Variants in RNLS observed in about 807,000 individuals in gnomAD.
The protein encoded by RNLS is renalase, FAD dependent amine oxidase, also known as renalase.
Under a neutral mutation model 39.8 loss-of-function variants are expected in RNLS, and 39 were observed. The observed-to-expected ratio is 0.98, with a 90% CI of 0.76 to 1.28. The LOEUF is 1.28. Ranked by LOEUF, RNLS falls within the 50% of genes most tolerant of loss-of-function variation. The probability of loss-of-function intolerance (pLI) is 0.00; values close to 1 mark genes in which losing one functional copy is unlikely to be tolerated. For synonymous variants in RNLS, 147 were observed against 150.7 expected (o/e 0.98, Z 0.18); for missense variants, 410 against 413.3 (o/e 0.99, Z 0.07).
the RNLS span, among the ~76,000 whole-genome samples, chr10:88,207,224 TAAGAGAA>T: frequency 6.6e-6 from 1 of 152,038 alleles, no homozygotes; most frequent in Non-Finnish European, 1.5e-5. Flanking sequence ...GAAAGCCACT[TAAGAGAA>T]TGAGAAGACA....
intron 4 of RNLS, among the ~76,000 whole-genome samples, chr10:88,536,238 T>C (rs560521604): frequency 3.9e-5 from 6 of 152,346 alleles, no homozygotes; most frequent in African/African-American, 1.4e-4. Flanking sequence ...GTCATCTTTA[T>C]GCTCCTTGTT....
intron 4 of RNLS, among the ~76,000 whole-genome samples, chr10:88,441,201 C>A (rs1841692283): frequency 6.6e-6 from 1 of 152,144 alleles, no homozygotes; most frequent in Non-Finnish European, 1.5e-5. Context: ...GAACCCATGG[C>A]AATTTATAAA....
intron 4 of RNLS, among the ~76,000 whole-genome samples, chr10:88,470,081 G>T (rs909955790): frequency 6.6e-6 from 1 of 151,704 alleles, no homozygotes; most frequent in Admixed American, 6.6e-5. Flanking sequence ...GTTTCTTATT[G>T]CCCAAAGTTT....
chr10:88,569,772 A>G (rs997777585), intron 4 of RNLS, among the ~76,000 whole-genome samples: 1 of 152,218 alleles, frequency 6.6e-6, no homozygotes, highest in Non-Finnish European at 1.5e-5. Context: ...CAGATGAACA[A>G]GATTGACACA....
the RNLS span, among the ~76,000 whole-genome samples, chr10:88,217,378 TG>T: frequency 6.6e-6 from 1 of 152,182 alleles, no homozygotes; most frequent in Non-Finnish European, 1.5e-5. Context: ...ATAACAGCTT[TG>T]TGGTTTTTGT....
chr10:88,445,374 G>T (rs1388300172), intron 4 of RNLS, among the ~76,000 whole-genome samples: 2 of 152,182 alleles, frequency 1.3e-5, no homozygotes, highest in Non-Finnish European at 2.9e-5. Flanking sequence ...ATGCCAAATT[G>T]TAAAGACCAT....
intron 4 of RNLS, among the ~76,000 whole-genome samples, chr10:88,420,056 A>AAATAAATG (rs1564786008): frequency 2.1e-4 from 9 of 43,106 alleles, no homozygotes; most frequent in Non-Finnish European, 3.5e-4. Context: ...ATAAATAAAT[A>AAATAAATG]AATGAATGAA....
chr10:88,234,936 G>A, the RNLS span, among the ~76,000 whole-genome samples: 1 of 152,044 alleles, frequency 6.6e-6, no homozygotes, highest in Non-Finnish European at 1.5e-5. Context: ...GATATATTTG[G>A]CAATTGGTGT....
the RNLS span, among the ~76,000 whole-genome samples, chr10:88,258,507 C>T: frequency 3.2e-4 from 48 of 152,270 alleles, no homozygotes; most frequent in Non-Finnish European, 5.7e-4. Flanking sequence ...TTACCTTCCC[C>T]CTAGGACTGT....
intron 4 of RNLS, among the ~76,000 whole-genome samples, chr10:88,383,987 C>T (rs1212687004): frequency 1.3e-5 from 2 of 152,064 alleles, no homozygotes; most frequent in East Asian, 3.8e-4. Flanking sequence ...TTTTTCTCAT[C>T]AGTAGACCTA....
At chr10:88,431,271 T>A (rs1421742993) in intron 4 of RNLS, among the ~76,000 whole-genome samples, 2 of 151,720 alleles carry the variant, frequency 1.3e-5, no homozygotes, top group Non-Finnish European at 3.0e-5. Context: ...CTGTTCACAA[T>A]ATTTCTTTAT....
intron 4 of RNLS, among the ~76,000 whole-genome samples, chr10:88,489,626 C>T (rs922406127): frequency 6.6e-6 from 1 of 152,096 alleles, no homozygotes; most frequent in African/African-American, 2.4e-5. Flanking sequence ...AATTTGAGTC[C>T]CCCATTTTCT....
At chr10:88,529,412 A>G (rs547428602) in intron 4 of RNLS, among the ~76,000 whole-genome samples, 8 of 152,274 alleles carry the variant, frequency 5.3e-5, no homozygotes, top group South Asian at 4.1e-4. Context: ...CCAACATGCT[A>G]TATCAGTAAC....
intron 4 of RNLS, among the ~76,000 whole-genome samples, chr10:88,480,606 G>C (rs553627773): frequency 1.3e-5 from 2 of 152,132 alleles, no homozygotes; most frequent in African/African-American, 4.8e-5. Context: ...TTTTTTAGTA[G>C]AGATGGAGTT....
At chr10:88,262,618 C>A in the RNLS span, among the ~76,000 whole-genome samples, 32 of 152,106 alleles carry the variant, frequency 2.1e-4, no homozygotes, top group Non-Finnish European at 4.7e-4. Flanking sequence ...AAGTATAATA[C>A]CTATGATAAG....
intron 4 of RNLS, among the ~76,000 whole-genome samples, chr10:88,553,800 T>C (rs1357535794): frequency 1.3e-5 from 2 of 152,158 alleles, no homozygotes; most frequent in Non-Finnish European, 2.9e-5. Flanking sequence ...AAGAAACATA[T>C]ACCCACCTCG....
chr10:88,420,234 T>C (rs1854323029), intron 4 of RNLS, among the ~76,000 whole-genome samples: 1 of 152,074 alleles, frequency 6.6e-6, no homozygotes, highest in African/African-American at 2.4e-5. Flanking sequence ...CATAATATCA[T>C]GTAAAGACTA....
At chr10:88,259,272 G>C in the RNLS span, 1 of 152,162 alleles carries the variant, frequency 6.6e-6, no homozygotes, top group African/African-American at 2.4e-5. Context: ...AGTGAGGAAT[G>C]CAATCCCAAT....
chr10:88,175,408 A>G, the RNLS span, among the ~76,000 whole-genome samples: 3 of 151,820 alleles, frequency 2.0e-5, no homozygotes, highest in East Asian at 3.9e-4. Context: ...CTTAGTACTG[A>G]TTTTGCTATA....
Sources: gnomAD v4.1 joint callset for allele counts (sites outside exome capture counted in the v4.1 genomes callset) on GRCh38, gnomAD v4.1.1 for gene constraint, MANE v1.5 for transcripts, NCBI Gene and HGNC (gene_info 2026-07-23, HGNC 2026-07-21) for gene names.